Variants in KCNQ3 observed in about 807,000 individuals in gnomAD.
The protein encoded by KCNQ3 is potassium voltage-gated channel subfamily KQT member 3.
Under a neutral mutation model 92.5 loss-of-function variants are expected in KCNQ3, and 30 were observed. That is an observed-to-expected ratio of 0.32 (90% CI 0.24 to 0.44). The LOEUF (loss-of-function observed/expected upper bound fraction) is 0.44. KCNQ3 is among the 20% of genes least tolerant of loss of function. KCNQ3 has a pLI of 1.00. For missense variants in KCNQ3, 913 were observed against 1,140.3 expected, an observed-to-expected ratio of 0.80 and a Z score of 2.87; for synonymous variants, 450 against 468.8, an observed-to-expected ratio of 0.96 and a Z score of 0.52.
intron 9 of KCNQ3, among the ~76,000 whole-genome samples, chr8:132,156,025 A>C (rs1825787443): frequency 6.6e-6 from 1 of 152,112 alleles, no homozygotes; most frequent in Admixed American, 6.5e-5. Flanking sequence ...CTGAGGATCT[A>C]TGAGGATGAT....
At chr8:132,334,712 C>G (rs1313141519) in intron 1 of KCNQ3, among the ~76,000 whole-genome samples, 1 of 152,136 alleles carries the variant, frequency 6.6e-6, no homozygotes, top group Non-Finnish European at 1.5e-5. Flanking sequence ...AGGTGAAACC[C>G]AAAACTCATT....
intron 1 of KCNQ3, among the ~76,000 whole-genome samples, chr8:132,410,791 T>G (rs1477455004): frequency 6.6e-6 from 1 of 152,116 alleles, no homozygotes; most frequent in Non-Finnish European, 1.5e-5. Context: ...TGGAGAGAGA[T>G]TTTTGGAGAC....
At chr8:132,391,552 G>A (rs1210660166) in intron 1 of KCNQ3, among the ~76,000 whole-genome samples, 1 of 152,158 alleles carries the variant, frequency 6.6e-6, no homozygotes, top group African/African-American at 2.4e-5. Flanking sequence ...TTGGGAGCCT[G>A]TTGAGCTGAA....
At chr8:132,442,335 T>C (rs1486517169) in intron 1 of KCNQ3, among the ~76,000 whole-genome samples, 2 of 152,200 alleles carry the variant, frequency 1.3e-5, no homozygotes, top group South Asian at 2.1e-4. Flanking sequence ...AATCCCTTTA[T>C]GCATTAGGCA....
intron 9 of KCNQ3, among the ~76,000 whole-genome samples, chr8:132,162,638 G>T (rs539071104): frequency 6.6e-6 from 1 of 152,160 alleles, no homozygotes; most frequent in African/African-American, 2.4e-5. Context: ...AAAGAACCAC[G>T]TGGTTCATTT....
chr8:132,175,575 T>A lies in KCNQ3; in HGVS notation c.811A>T (p.Thr271Ser). ...LITAWYIGFL[T>S]LILSSFLVYL... Reference sequence around the variant, plus strand: ...ACAAGAAATGAAGAAAGGATGAGTGTCAGGAAACCGATGTACCAGGCCGTG... The same window carrying A: ...ACAAGAAATGAAGAAAGGATGAGTGACAGGAAACCGATGTACCAGGCCGTG... Residue 271 changes from threonine (T) to serine (S), a missense_variant, in exon 5 of 15, where the codon ACA (threonine) becomes TCA (serine). Thr to Ser is a moderately conservative substitution (Grantham distance 58). Transcript: ENST00000388996. The A allele has an allele frequency of 6.2e-7, 1 of 1,614,108 alleles. No individual in the cohort carries two copies. Among genetic ancestry groups the A allele is most frequent in the Non-Finnish European group, 8.5e-7 (1 of 1,180,002 alleles).
intron 1 of KCNQ3, among the ~76,000 whole-genome samples, chr8:132,442,424 A>G (rs1821562362): frequency 6.6e-6 from 1 of 152,176 alleles, no homozygotes; most frequent in Non-Finnish European, 1.5e-5. Flanking sequence ...TGTCTCCCCC[A>G]CCAGGCTACA....
rs1297603956 is a variant in KCNQ3, at chr8:132,431,391, C to T, written c.386+48756G>A. On this transcript the variant is annotated intron_variant, in intron 1 of 14. Coordinates refer to ENST00000388996, the MANE Select transcript of KCNQ3 (RefSeq NM_004519.4). ...TTCTTGCTGCAACGTTCCAGTAAAA[C>T]GCCCATCCAGATTCCACCTCCTCAG... Among the ~76,000 whole-genome samples the T allele has an allele frequency of 6.6e-5, 10 of 152,312 alleles. 1 individual carries two copies. In the East Asian group the frequency reaches 1.9e-3, roughly 29 times the overall value.
intron 1 of KCNQ3, among the ~76,000 whole-genome samples, chr8:132,416,398 C>T (rs1203247181): frequency 1.3e-5 from 2 of 152,008 alleles, no homozygotes; most frequent in Non-Finnish European, 2.9e-5. Flanking sequence ...GAGGCTGAGG[C>T]GGGTGGATCA....
intron 1 of KCNQ3, among the ~76,000 whole-genome samples, chr8:132,256,058 C>T (rs1013985888): frequency 7.2e-5 from 11 of 152,188 alleles, no homozygotes; most frequent in African/African-American, 2.4e-4. Context: ...ACTTTCTAGA[C>T]ATAGATTTTA....
chr8:132,363,347 T>C (rs1230774922), intron 1 of KCNQ3, among the ~76,000 whole-genome samples: 2 of 140,646 alleles, frequency 1.4e-5, no homozygotes, highest in Non-Finnish European at 2.9e-5. Context: ...AAAAGATGGG[T>C]AAGTGTTTCC....
chr8:132,187,179 A>G (rs1198416379), intron 1 of KCNQ3: 1 of 455,706 alleles, frequency 2.2e-6, no homozygotes, highest in South Asian at 1.5e-5. Flanking sequence ...CTGGTTTTCT[A>G]CTCTACTTAG....
intron 1 of KCNQ3, among the ~76,000 whole-genome samples, chr8:132,258,030 T>A (rs922625758): frequency 9.9e-5 from 15 of 151,950 alleles, no homozygotes; most frequent in Admixed American, 5.9e-4. Flanking sequence ...AGAATCAAAT[T>A]CAAGGGAGAA....
At chr8:132,446,382 A>G (rs1161170768) in intron 1 of KCNQ3, among the ~76,000 whole-genome samples, 1 of 152,206 alleles carries the variant, frequency 6.6e-6, no homozygotes, top group Non-Finnish European at 1.5e-5. Flanking sequence ...AAATGAACAG[A>G]TCAAAGGGGC....
intron 1 of KCNQ3, among the ~76,000 whole-genome samples, chr8:132,405,995 T>C (rs548193439): frequency 1.3e-5 from 2 of 152,186 alleles, no homozygotes; most frequent in South Asian, 2.1e-4. Context: ...CAGGCAGAAA[T>C]GTCCCAGGTG....
chr8:132,408,935 C>G (rs924064754), intron 1 of KCNQ3, among the ~76,000 whole-genome samples: 1 of 152,194 alleles, frequency 6.6e-6, no homozygotes, highest in Non-Finnish European at 1.5e-5. Context: ...CTGCCTGACA[C>G]CTTGACTTCT....
At chr8:132,385,736 T>A (rs1819872989) in intron 1 of KCNQ3, among the ~76,000 whole-genome samples, 1 of 151,974 alleles carries the variant, frequency 6.6e-6, no homozygotes, top group Non-Finnish European at 1.5e-5. Context: ...GGGACAAATT[T>A]GTGTATGGGT....
At chr8:132,469,185 C>T (rs752582220) in intron 1 of KCNQ3, among the ~76,000 whole-genome samples, 22 of 152,128 alleles carry the variant, frequency 1.4e-4, no homozygotes, top group Non-Finnish European at 2.6e-4. Flanking sequence ...CTGAGGTATA[C>T]GGTTAATAGA....
chr8:132,390,102 C>A (rs1251090018), intron 1 of KCNQ3, among the ~76,000 whole-genome samples: 1 of 152,160 alleles, frequency 6.6e-6, no homozygotes, highest in Admixed American at 6.5e-5. Flanking sequence ...GAGCTACATG[C>A]AACAACATGG....
Sources: allele counts gnomAD v4.1 joint callset (sites outside exome capture counted in the v4.1 genomes callset), GRCh38; gene constraint gnomAD v4.1.1; transcripts MANE v1.5; gene names NCBI Gene and HGNC (gene_info 2026-07-23, HGNC 2026-07-21).